The following CIITA variants were observed in gnomAD, a reference collection of about 807,000 sequenced individuals.
CIITA encodes the protein class II major histocompatibility complex transactivator.
Under a neutral mutation model 115.1 loss-of-function variants are expected in CIITA, and 72 were observed. The ratio of observed to expected loss-of-function variants is 0.63; its 90% CI spans 0.52 to 0.76. CIITA has a LOEUF of 0.76. Among genes scored for constraint, CIITA ranks in the 30% least tolerant of loss-of-function variants. CIITA has a pLI of 0.00. For synonymous variants in CIITA, 763 were observed against 635.6 expected, an observed-to-expected ratio of 1.20 and a Z score of -3.02; for missense variants, 1,617 against 1,463.8, an observed-to-expected ratio of 1.10 and a Z score of -1.71.
intron 16 of CIITA, 107 bp downstream of exon 16, chr16:10,918,633 C>A: frequency 2.2e-6 from 2 of 894,540 alleles, no homozygotes; most frequent in Non-Finnish European, 1.8e-6. Flanking sequence ...TAGAAGCAAT[C>A]ACCACAGCCC....
In CIITA at chr16:10,923,239, C is replaced by A. The variant is rs1312726190; in HGVS notation, c.3329C>A (p.Pro1110His). Residue 1110 changes from proline to histidine, a missense_variant, in exon 19 of 20, where the codon CCC becomes CAC. Coordinates refer to ENST00000324288, the MANE Select transcript of CIITA (RefSeq NM_000246.4). The surrounding 1 kb of genome is among the most constrained non-coding windows in gnomAD (Gnocchi z 5.2). ...PHVETLAMWT[P>H]TIPFSVQEHL... is the part of the protein sequence containing the mutation. ...ATCCCCCCTTGCAGGATGTGGACGC[C>A]CACCATCCCATTCAGTGTCCAGGAA... 8 of 1,613,284 alleles carry A rather than the reference C, an allele frequency of 5.0e-6. No individual in the cohort carries two copies. Among genetic ancestry groups the A allele is most frequent in the Non-Finnish European group, 6.8e-6 (8 of 1,180,008 alleles).
At chr16:10,873,081 TC>T (rs2035593284), upstream of CIITA, among the ~76,000 whole-genome samples, 1 of 152,162 alleles carries the variant, frequency 6.6e-6, no homozygotes. Context: ...CAAGACATCC[TC>T]CCATCTCAGC....
At chr16:10,894,047 T>A (rs547773756) in intron 1 of CIITA, among the ~76,000 whole-genome samples, 2 of 152,098 alleles carry the variant, frequency 1.3e-5, no homozygotes, top group Non-Finnish European at 2.9e-5. Context: ...AGATAGGCTT[T>A]TGCTATGTTG....
Position 10,877,226 on chromosome 16 carries a change from G to C in CIITA, c.-105G>C. On this transcript the variant is annotated 5_prime_UTR_variant, in exon 1 of 20. Transcript: ENST00000324288. ...TAGTGATGAGGCTAGTGATGAGGCT[G>C]TGTGCTTCTGAGCTGGGCATCCGAA... is the stretch of plus-strand genomic sequence containing the variant. 1 of 948,434 alleles carries C rather than the reference G, an allele frequency of 1.1e-6. No individual in the cohort carries two copies. The highest frequency in any genetic ancestry group is 1.4e-5 in the South Asian group (1 of 72,336). The allele number at this position is 948,434 out of a possible 1,614,324, so 58.8% of individuals were successfully genotyped here. A position where few individuals can be genotyped will look rare whatever the true frequency, so the allele number is the denominator to read the frequency against.
rs182104545 is a variant in CIITA, at chr16:10,867,794, T to C, written c.-21+1475T>C. Among the ~76,000 whole-genome samples the C allele has an allele frequency of 3.6e-3, 546 of 152,328 alleles. 5 individuals are homozygous for C. Among genetic ancestry groups the C allele is most frequent in the Middle Eastern group, 0.01 (3 of 294 alleles). On this transcript the variant is annotated intron_variant, in intron 1 of 5. Coordinates refer to the CIITA transcript ENST00000636238. ...TTTTTTGAGACGGGGTCTGTTCTCT[T>C]GCCCAGGCTGGAGTGTAGTCGCATG...
Position 10,906,848 on chromosome 16 carries a change from C to G in CIITA, c.1356C>G (p.Pro452=). Residue 452 remains proline (P), a synonymous_variant, in exon 11 of 20, where the codon CCC becomes CCG. Transcript: ENST00000324288. ...AGTACGACTTTGTCTTCTCTGTCCC[C>G]TGCCATTGCTTGAACCGTCCGGGGG... The part of the protein sequence containing the change: ...LPQYDFVFSV[P]CHCLNRPGDA... 2 of 1,613,424 alleles carry G rather than the reference C, an allele frequency of 1.2e-6. No individual in the cohort carries two copies. Among genetic ancestry groups the G allele is most frequent in the Non-Finnish European group, 1.7e-6 (2 of 1,180,020 alleles).
intron 12 of CIITA, among the ~76,000 whole-genome samples, chr16:10,909,547 T>C (rs989575731): frequency 6.6e-6 from 1 of 152,196 alleles, no homozygotes; most frequent in African/African-American, 2.4e-5. Context: ...CCCAAATTTA[T>C]AGACGGCAGA....
chr16:10,907,286 C>T lies in CIITA; in HGVS notation c.1794C>T (p.Leu598=). 6.2e-7 allele frequency: 1 copy of T among 1,613,576 alleles called. No homozygotes were observed. Among genetic ancestry groups the T allele is most frequent in the Middle Eastern group, 1.6e-4 (1 of 6,062 alleles). The change falls in exon 11 of 20, where the codon CTC becomes CTT. Residue 598 remains leucine (L), a synonymous_variant. Coordinates refer to ENST00000324288, the MANE Select transcript of CIITA (RefSeq NM_000246.4). This position sits in a 1 kb window ranked among gnomAD's most constrained non-coding sequence, Gnocchi z 5.0. ...TEHQDRALTL[L]RDRPLLLSHS... ...ACCAAGACAGAGCCCTGACGCTCCTCCGGGACCGGCCACTTCTTCTCAGTC... is the reference window on the plus strand; with the variant it reads ...ACCAAGACAGAGCCCTGACGCTCCTTCGGGACCGGCCACTTCTTCTCAGTC...
chr16:10,911,186 T>C lies in CIITA; in HGVS notation c.2888+927T>C, dbSNP rs1269086001. On this transcript the variant is annotated intron_variant, in intron 13 of 19. Coordinates refer to ENST00000324288, the MANE Select transcript of CIITA (RefSeq NM_000246.4). ...TATTATATTTAGATCTGTCAGAATA[T>C]AGCTTTTCTTTCTTTCTTTCCTTTC... 8.3e-5 allele frequency among the ~76,000 whole-genome samples: 12 copies of C among 144,476 alleles called. No individual in the cohort carries two copies. In the South Asian group the frequency reaches 9.8e-4, roughly 12 times the overall value. 94.8% of individuals were successfully genotyped at this position (144,476 alleles called of 152,430 possible).
rs753347821 is a variant in CIITA at position 10,902,092 on chromosome 16, G to A, written c.536G>A (p.Cys179Tyr). 1 of 1,614,168 alleles carries A rather than the reference G, an allele frequency of 6.2e-7. No individual in the cohort carries two copies. The highest frequency in any genetic ancestry group is 1.1e-5 in the South Asian group (1 of 91,088). The change falls in exon 7 of 20, where the codon TGC (cysteine) becomes TAC (tyrosine). Residue 179 changes from cysteine (C) to tyrosine (Y), a missense_variant. Coordinates refer to ENST00000324288, the MANE Select transcript of CIITA (RefSeq NM_000246.4). The stretch of plus-strand genomic sequence containing the variant: ...CTCCTAGTGGGACCAGTGAGCGACT[G>A]CTCCACCCTGCCCTGCCTGCCACTG... ...GSLLVGPVSD[C>Y]STLPCLPLPA... is the part of the protein sequence containing the mutation.
intron 15 of CIITA, among the ~76,000 whole-genome samples, chr16:10,917,254 C>T (rs2040004490): frequency 6.6e-6 from 1 of 151,746 alleles, no homozygotes; most frequent in Non-Finnish European, 1.5e-5. Context: ...TGGCTCACTG[C>T]AGCCTCAATC....
chr16:10,890,347 A>C (rs2144062685), intron 1 of CIITA, among the ~76,000 whole-genome samples: 1 of 151,540 alleles, frequency 6.6e-6, no homozygotes, highest in East Asian at 1.9e-4. Flanking sequence ...GCAGTGGTGC[A>C]ATCTCAGTTC....
chr16:10,881,368 A>G (rs1945133565), intron 1 of CIITA, among the ~76,000 whole-genome samples: 1 of 152,166 alleles, frequency 6.6e-6, no homozygotes, highest in South Asian at 2.1e-4. Flanking sequence ...AAAGACCAAG[A>G]CACACACAGT....
intron 1 of CIITA, among the ~76,000 whole-genome samples, chr16:10,887,292 G>A (rs940107567): frequency 4.6e-5 from 7 of 152,056 alleles, no homozygotes; most frequent in Admixed American, 2.6e-4. Context: ...CAGGCAACGA[G>A]GAATCAGAAT....
chr16:10,923,343 G>C lies in CIITA; in HGVS notation c.*22+18G>C. 1 of 1,447,232 alleles carries C rather than the reference G, an allele frequency of 6.9e-7. No individual in the cohort carries two copies. The highest frequency in any genetic ancestry group is 1.1e-5 in the South Asian group (1 of 87,842). 89.6% of individuals were successfully genotyped at this position (1,447,232 alleles called of 1,614,324 possible). A position where few individuals can be genotyped will look rare whatever the true frequency, so the allele number is the denominator to read the frequency against. Reference sequence around the variant, plus strand: ...TGGACAGGGTAACCAGGGTGGGCTTGGGAGGGGAGAGCCGCAGTGGGTTGG... The same window carrying C: ...TGGACAGGGTAACCAGGGTGGGCTTCGGAGGGGAGAGCCGCAGTGGGTTGG... On this transcript the variant is annotated intron_variant, in intron 19 of 19. Coordinates refer to ENST00000324288, the MANE Select transcript of CIITA (RefSeq NM_000246.4). The surrounding 1 kb of genome is among the most constrained non-coding windows in gnomAD (Gnocchi z 5.2).
At chr16:10,917,386 C>T (rs1294217262) in intron 15 of CIITA, among the ~76,000 whole-genome samples, 5 of 151,978 alleles carry the variant, frequency 3.3e-5, no homozygotes, top group Non-Finnish European at 5.9e-5. Context: ...GTTGCCCAGG[C>T]TGGTCTTGAA....
Position 10,941,745 on chromosome 16 carries a change from G to A in CIITA, n.871G>A, listed in dbSNP as rs1393812044. On this transcript the variant is annotated non_coding_transcript_exon_variant, in exon 2 of 2. Transcript: ENST00000573379. The surrounding 1 kb of genome is among the most constrained non-coding windows in gnomAD (Gnocchi z 6.4). ...ACTCCAAGTACGCATCAAAGACGTC[G>A]AGCTCCGAGTCAGCATCGTAAAGGC... 2.7e-5 allele frequency: 44 copies of A among 1,611,906 alleles called. No individual in the cohort carries two copies. Among genetic ancestry groups the A allele is most frequent in the Non-Finnish European group, 3.6e-5 (42 of 1,178,964 alleles).
intron 1 of CIITA, among the ~76,000 whole-genome samples, chr16:10,891,747 G>C (rs1234772148): frequency 1.3e-5 from 2 of 152,208 alleles, no homozygotes; most frequent in Non-Finnish European, 2.9e-5. Context: ...CAAGGGGCTG[G>C]GAGAGGTGGA....
chr16:10,941,464 C>T lies in CIITA; in HGVS notation n.590C>T, dbSNP rs1465641428. On this transcript the variant is annotated non_coding_transcript_exon_variant, in exon 2 of 2. Coordinates refer to the CIITA transcript ENST00000573379. The surrounding 1 kb of genome is among the most constrained non-coding windows in gnomAD (Gnocchi z 6.4). The stretch of plus-strand genomic sequence containing the variant: ...TCCAGTTAGACCTGGAGGAGGTGAA[C>T]GGAGGAGAAGCCTGAGGGAGGGGTG... 1 of 1,164,886 alleles carries T rather than the reference C, an allele frequency of 8.6e-7. No homozygotes were observed. The highest frequency in any genetic ancestry group is 1.1e-6 in the Non-Finnish European group (1 of 899,892). 72.2% of individuals were successfully genotyped at this position (1,164,886 alleles called of 1,614,324 possible).
Sources: allele counts gnomAD v4.1 joint callset (sites outside exome capture counted in the v4.1 genomes callset), GRCh38; gene constraint gnomAD v4.1.1; non-coding constraint Gnocchi (gnomAD v3.1); transcripts MANE v1.5; gene names NCBI Gene and HGNC (gene_info 2026-07-23, HGNC 2026-07-21).